Variants in ERBB4 observed in about 807,000 individuals in gnomAD.
The protein encoded by ERBB4 is erb-b2 receptor tyrosine kinase 4.
Under a neutral mutation model 158.0 loss-of-function variants are expected in ERBB4, and 42 were observed. The observed-to-expected ratio is 0.27, with a 90% CI of 0.21 to 0.34. The LOEUF (loss-of-function observed/expected upper bound fraction) is 0.34, where lower values mean the gene tolerates loss of function less well. Ranked by LOEUF, ERBB4 falls within the 10% of genes least tolerant of loss-of-function variation. ERBB4 has a pLI of 1.00. For missense variants in ERBB4, 1,333 were observed against 1,624.1 expected, an observed-to-expected ratio of 0.82 and a Z score of 3.08; for synonymous variants, 583 against 558.7, an observed-to-expected ratio of 1.04 and a Z score of -0.61.
chr2:211,569,575 C>T lies in ERBB4; in HGVS notation c.2302-7487G>A, dbSNP rs537324481. On this transcript the variant is annotated intron_variant, in intron 19 of 27. Coordinates refer to ENST00000342788, the MANE Select transcript of ERBB4 (RefSeq NM_005235.3). ...TTGTGATAGATAATGAAACGGTGGT[C>T]GCAGAGCTACTTTAGATAAGGAGAG... Among the ~76,000 whole-genome samples, 270 of 152,166 alleles carry T rather than the reference C, an allele frequency of 1.8e-3. 1 individual carries two copies. Among genetic ancestry groups the T allele is most frequent in the African/African-American group, 6.2e-3 (259 of 41,524 alleles).
At chr2:212,357,352 G>A (rs2089500645) in intron 1 of ERBB4, among the ~76,000 whole-genome samples, 1 of 151,752 alleles carries the variant, frequency 6.6e-6, no homozygotes, top group South Asian at 2.1e-4. Context: ...GTGCTCAAGT[G>A]GATCCATCTG....
intron 3 of ERBB4, among the ~76,000 whole-genome samples, chr2:211,924,386 G>A (rs759804172): frequency 6.6e-6 from 1 of 152,086 alleles, no homozygotes; most frequent in Non-Finnish European, 1.5e-5. Context: ...CTATTTGGGT[G>A]ATGGGTGCCC....
At chr2:211,854,818 T>C (rs938882584) in intron 3 of ERBB4, among the ~76,000 whole-genome samples, 1 of 152,050 alleles carries the variant, frequency 6.6e-6, no homozygotes, top group Non-Finnish European at 1.5e-5. Context: ...GTGTGTGCAT[T>C]TGTATATGTG....
intron 1 of ERBB4, among the ~76,000 whole-genome samples, chr2:212,537,480 C>A: frequency 6.6e-6 from 1 of 152,092 alleles, no homozygotes; most frequent in Non-Finnish European, 1.5e-5. Flanking sequence ...CCCCGCCGCG[C>A]TGCCTCTCGG....
At chr2:211,884,509 C>G (rs2078744260) in intron 3 of ERBB4, among the ~76,000 whole-genome samples, 1 of 152,028 alleles carries the variant, frequency 6.6e-6, no homozygotes, top group African/African-American at 2.4e-5. Flanking sequence ...GTTCCTGAAC[C>G]CTAAATCCAC....
intron 2 of ERBB4, among the ~76,000 whole-genome samples, chr2:211,963,976 T>G (rs1407647835): frequency 6.6e-6 from 1 of 152,246 alleles, no homozygotes; most frequent in Non-Finnish European, 1.5e-5. Context: ...ATAGTCTCTT[T>G]GCAACTTGTT....
At chr2:211,531,001 A>G (rs2066484643) in intron 20 of ERBB4, among the ~76,000 whole-genome samples, 1 of 152,154 alleles carries the variant, frequency 6.6e-6, no homozygotes, top group Admixed American at 6.5e-5. Flanking sequence ...GAACCCAGAA[A>G]TAAATCCACA....
At chr2:211,479,726 G>A (rs996121976) in intron 20 of ERBB4, among the ~76,000 whole-genome samples, 1 of 152,072 alleles carries the variant, frequency 6.6e-6, no homozygotes, top group African/African-American at 2.4e-5. Context: ...CAATGAATCT[G>A]GGACTACTGC....
chr2:211,468,815 G>A (rs2064761048), intron 20 of ERBB4, among the ~76,000 whole-genome samples: 1 of 133,898 alleles, frequency 7.5e-6, no homozygotes, highest in Admixed American at 7.9e-5. Flanking sequence ...CTGCCCCTGT[G>A]TAATGTGGAT....
intron 25 of ERBB4, among the ~76,000 whole-genome samples, chr2:211,418,245 GTTTT>G (rs2063437370): frequency 6.6e-6 from 1 of 151,878 alleles, no homozygotes; most frequent in Non-Finnish European, 1.5e-5. Context: ...GAAGTAATTT[GTTTT>G]CTAATTCAGC....
chr2:212,332,842 G>C (rs1454754497), intron 1 of ERBB4, among the ~76,000 whole-genome samples: 2 of 151,988 alleles, frequency 1.3e-5, no homozygotes, highest in East Asian at 3.9e-4. Context: ...AAAATCTGAG[G>C]GTTATTTTTC....
At chr2:211,905,176 C>T (rs115935952) in intron 3 of ERBB4, among the ~76,000 whole-genome samples, 2 of 152,166 alleles carry the variant, frequency 1.3e-5, no homozygotes, top group East Asian at 1.9e-4. Context: ...TAGCAGGGTT[C>T]TGGAGGGTCC....
intron 19 of ERBB4, among the ~76,000 whole-genome samples, chr2:211,582,447 G>A (rs148677651): frequency 0.015 from 2,241 of 152,230 alleles, 33 homozygotes; most frequent in Middle Eastern, 0.051. Flanking sequence ...TTAAGAACCA[G>A]ATCAAACTGA....
chr2:212,248,069 T>C (rs970698407), intron 1 of ERBB4, among the ~76,000 whole-genome samples: 6 of 152,216 alleles, frequency 3.9e-5, no homozygotes, highest in African/African-American at 1.2e-4. Context: ...TAATTTAAAA[T>C]GTTTATAGTA....
chr2:212,239,568 A>T (rs183505837), intron 1 of ERBB4, among the ~76,000 whole-genome samples: 3 of 152,280 alleles, frequency 2.0e-5, no homozygotes, highest in African/African-American at 7.2e-5. Flanking sequence ...GAAATTTTTA[A>T]TGTGGCTTCC....
chr2:211,622,180 A>C (rs1467895314), intron 18 of ERBB4, among the ~76,000 whole-genome samples: 1 of 152,218 alleles, frequency 6.6e-6, no homozygotes, highest in Non-Finnish European at 1.5e-5. Context: ...GATTAAAATT[A>C]TTAAAGATGT....
At chr2:211,758,581 G>A (rs2075337575) in intron 4 of ERBB4, among the ~76,000 whole-genome samples, 1 of 152,108 alleles carries the variant, frequency 6.6e-6, no homozygotes, top group Non-Finnish European at 1.5e-5. Context: ...GTATTTCTGA[G>A]CATATAAATA....
intron 1 of ERBB4, among the ~76,000 whole-genome samples, chr2:212,310,674 C>T (rs2087006036): frequency 6.8e-6 from 1 of 146,038 alleles, no homozygotes; most frequent in Non-Finnish European, 1.5e-5. Flanking sequence ...GTTTATAGTC[C>T]AAACTAAACT....
At chr2:212,220,201 C>T (rs945755317) in intron 1 of ERBB4, among the ~76,000 whole-genome samples, 1 of 151,386 alleles carries the variant, frequency 6.6e-6, no homozygotes, top group Admixed American at 6.6e-5. Flanking sequence ...AAATCTTTTT[C>T]TCCTTTTATA....
Sources: gnomAD v4.1 joint callset for allele counts (sites outside exome capture counted in the v4.1 genomes callset) on GRCh38, gnomAD v4.1.1 for gene constraint, MANE v1.5 for transcripts, NCBI Gene and HGNC (gene_info 2026-07-23, HGNC 2026-07-21) for gene names.